The following SYBU variants were observed in gnomAD, a reference collection of about 807,000 sequenced individuals.
SYBU encodes the protein GOLSYN A protein.
In SYBU, 21 loss-of-function variants were observed where a neutral mutation model predicts 35.9. The observed-to-expected ratio is 0.58, with a 90% CI of 0.41 to 0.84. The LOEUF is 0.84. SYBU is among the 40% of genes least tolerant of loss of function. The pLI is 0.00. For synonymous variants in SYBU, 319 were observed against 324.3 expected, an observed-to-expected ratio of 0.98 and a Z score of 0.18; for missense variants, 768 against 848.2, an observed-to-expected ratio of 0.91 and a Z score of 1.17.
chr8:109,645,597 T>A (rs1308762875), upstream of SYBU: 1 of 287,924 alleles, frequency 3.5e-6, no homozygotes, highest in Non-Finnish European at 6.9e-6. Context: ...CCTGAGTGCC[T>A]TTATGCCTAA....
upstream of SYBU, among the ~76,000 whole-genome samples, chr8:109,648,275 A>AATAT (rs757131978): frequency 7.6e-5 from 11 of 144,990 alleles, no homozygotes; most frequent in South Asian, 2.1e-3. Context: ...ATATATATAT[A>AATAT]ATATATATAT....
chr8:109,580,631 T>G (rs1387269638), intron 4 of SYBU: 1 of 152,960 alleles, frequency 6.5e-6, no homozygotes, highest in Non-Finnish European at 1.5e-5. Flanking sequence ...CCCATCTTGG[T>G]TCTCCTGCCT....
At chr8:109,674,410 C>A (rs1563776357) in intron 1 of SYBU, among the ~76,000 whole-genome samples, 1 of 152,110 alleles carries the variant, frequency 6.6e-6, no homozygotes. Flanking sequence ...ATTTTTCAAC[C>A]CAGAATTTCA....
At chr8:109,623,850 A>G (rs77230289) in intron 2 of SYBU, among the ~76,000 whole-genome samples, 3,949 of 152,244 alleles carry the variant, frequency 0.026, 153 homozygotes, top group African/African-American at 0.09. Flanking sequence ...TCTGAAATAC[A>G]GAAGAGTATA....
At chr8:109,666,729 CAG>C (rs1266832042) in intron 1 of SYBU, among the ~76,000 whole-genome samples, 2 of 149,746 alleles carry the variant, frequency 1.3e-5, no homozygotes, top group African/African-American at 5.1e-5. Flanking sequence ...GCCTAGGCAA[CAG>C]AGACTCCATT....
chr8:109,679,152 C>T (rs1194081673), intron 1 of SYBU, among the ~76,000 whole-genome samples: 3 of 152,172 alleles, frequency 2.0e-5, no homozygotes, highest in African/African-American at 7.2e-5. Context: ...GACACTCCTA[C>T]CAGCGCCATG....
intron 1 of SYBU, among the ~76,000 whole-genome samples, chr8:109,655,532 G>A (rs1816319910): frequency 6.6e-6 from 1 of 152,112 alleles, no homozygotes; most frequent in African/African-American, 2.4e-5. Context: ...TTCATCCTAT[G>A]TATTATAAAA....
chr8:109,653,676 C>T (rs1256658736), intron 1 of SYBU, among the ~76,000 whole-genome samples: 4 of 152,114 alleles, frequency 2.6e-5, no homozygotes, highest in Admixed American at 1.3e-4. Flanking sequence ...TTTTAAATCT[C>T]CTCCATACTT....
At chr8:109,680,699 A>C (rs570226778) in intron 1 of SYBU, 3 of 152,316 alleles carry the variant, frequency 2.0e-5, no homozygotes, top group African/African-American at 7.2e-5. Context: ...TTACCACAGC[A>C]AGCAAACTTA....
At chr8:109,657,342 A>C (rs1273125545) in intron 1 of SYBU, among the ~76,000 whole-genome samples, 1 of 152,164 alleles carries the variant, frequency 6.6e-6, no homozygotes, top group African/African-American at 2.4e-5. Context: ...GAAAATTCTA[A>C]GTTTCTTTTT....
chr8:109,644,766 CGGCGG>C lies in SYBU; in HGVS notation c.-112_-108del. ...GCGCTGAGCCGGCGCGGGCTGCGGG[CGGCGG>C]CTCTTGGTGAGGCTCCAACGCGCCG... On this transcript the variant is annotated 5_prime_UTR_variant, in exon 1 of 7. Transcript: ENST00000276646. The C allele has an allele frequency of 8.6e-7, 1 of 1,165,552 alleles. No homozygotes were observed. The highest frequency in any genetic ancestry group is 3.3e-5 in the East Asian group (1 of 30,512). The allele number at this position is 1,165,552 out of a possible 1,614,324, so 72.2% of individuals were successfully genotyped here.
chr8:109,644,216 C>T (rs1815304080), intron 1 of SYBU: 1 of 471,816 alleles, frequency 2.1e-6, no homozygotes, highest in African/African-American at 2.0e-5. Context: ...CATCTGCCGC[C>T]CAGCAGGTAC....
chr8:109,575,385 T>A lies in SYBU; in HGVS notation c.1513A>T (p.Ser505Cys), dbSNP rs368819508. 15 of 1,613,874 alleles carry A rather than the reference T, an allele frequency of 9.3e-6. No homozygotes were observed. In the African/African-American group the frequency reaches 1.7e-4, roughly 19 times the overall value. Residue 505 changes from serine to cysteine, a missense_variant, in exon 7 of 7, where the codon AGT (serine) becomes TGT (cysteine). Transcript: ENST00000276646. ...GGGTCCTGGAGCTTCTGCAGCACAC[T>A]CTGAATGAGCTCTGAGATGGCTGGG... ...YSPAISELIQ[S>C]VLQKLQDPCP...
At chr8:109,585,215 T>A (rs1414512381) in intron 4 of SYBU, among the ~76,000 whole-genome samples, 4 of 152,202 alleles carry the variant, frequency 2.6e-5, no homozygotes. Flanking sequence ...AAGCACAGAA[T>A]CCTGGGGCTT....
chr8:109,579,689 T>TA, intron 5 of SYBU, 110 bp downstream of exon 5: 1 of 1,019,488 alleles, frequency 9.8e-7, no homozygotes, highest in East Asian at 2.5e-5. Context: ...CAGTGTCTTG[T>TA]AGAATCAGGC....
At chr8:109,665,379 C>A (rs1816717927) in intron 1 of SYBU, among the ~76,000 whole-genome samples, 1 of 152,154 alleles carries the variant, frequency 6.6e-6, no homozygotes, top group African/African-American at 2.4e-5. Context: ...CACAGGTCTA[C>A]CAGTTAGCAT....
chr8:109,646,764 C>T (rs1441437347), upstream of SYBU: 1 of 152,218 alleles, frequency 6.6e-6, no homozygotes, highest in African/African-American at 2.4e-5. Context: ...CTGAGTTAGC[C>T]AAGTCAGAAC....
At chr8:109,606,869 T>C (rs906079307) in intron 3 of SYBU, among the ~76,000 whole-genome samples, 1 of 151,816 alleles carries the variant, frequency 6.6e-6, no homozygotes, top group Non-Finnish European at 1.5e-5. Context: ...GTCATGAGCA[T>C]AAAAAAGTAA....
chr8:109,615,907 CAAAATAGCATTAA>C (rs1425217421), intron 3 of SYBU, among the ~76,000 whole-genome samples: 3 of 150,518 alleles, frequency 2.0e-5, no homozygotes, highest in Admixed American at 6.6e-5. Flanking sequence ...ATCCATGAAT[CAAAATAGCATTAA>C]GAAAAACTGT....
Sources: gnomAD v4.1 joint callset for allele counts (sites outside exome capture counted in the v4.1 genomes callset) on GRCh38, gnomAD v4.1.1 for gene constraint, MANE v1.5 for transcripts, NCBI Gene and HGNC (gene_info 2026-07-23, HGNC 2026-07-21) for gene names.